The following SRL variants were observed in gnomAD, a reference collection of about 807,000 sequenced individuals.
The protein encoded by SRL is sarcalumenin.
A neutral mutation model predicts 39.5 loss-of-function variants in SRL; 23 were observed. The observed-to-expected ratio is 0.58, with a 90% CI of 0.42 to 0.82. SRL has a LOEUF of 0.82. Ranked by LOEUF, SRL falls within the 40% of genes least tolerant of loss-of-function variation. The pLI is 0.00. For missense variants in SRL, 592 were observed against 607.8 expected, an observed-to-expected ratio of 0.97 and a Z score of 0.27; for synonymous variants, 272 against 237.4, an observed-to-expected ratio of 1.15 and a Z score of -1.34.
intron 4 of SRL, among the ~76,000 whole-genome samples, chr16:4,197,050 T>C (rs2052156686): frequency 6.7e-6 from 1 of 148,292 alleles, no homozygotes; most frequent in Non-Finnish European, 1.5e-5. Flanking sequence ...TTCTGTTTTT[T>C]CCAAATTTTC....
intron 2 of SRL, among the ~76,000 whole-genome samples, chr16:4,203,597 C>T (rs1453997465): frequency 6.6e-6 from 1 of 152,170 alleles, no homozygotes; most frequent in Non-Finnish European, 1.5e-5. Flanking sequence ...TCATAGCTCA[C>T]TGCAGCCTCT....
At chr16:4,223,586 C>G (rs749076105) in intron 1 of SRL, among the ~76,000 whole-genome samples, 3 of 150,804 alleles carry the variant, frequency 2.0e-5, no homozygotes, top group Non-Finnish European at 3.0e-5. Flanking sequence ...GGGTCTTACT[C>G]TGTTATCCAG....
intron 3 of SRL, among the ~76,000 whole-genome samples, chr16:4,199,829 T>G (rs2052201172): frequency 6.6e-6 from 1 of 151,178 alleles, no homozygotes; most frequent in Non-Finnish European, 1.5e-5. Context: ...CCCAAGCAGC[T>G]GGGACTACAG....
At chr16:4,241,132 G>A (rs943916254) in intron 1 of SRL, among the ~76,000 whole-genome samples, 16 of 152,248 alleles carry the variant, frequency 1.1e-4, no homozygotes, top group Middle Eastern at 3.4e-3. Flanking sequence ...GAAGACTGCC[G>A]AGTCATGAAA....
intron 4 of SRL, among the ~76,000 whole-genome samples, chr16:4,197,214 A>G (rs9929411): frequency 2.0e-5 from 3 of 149,742 alleles, no homozygotes; most frequent in Non-Finnish European, 3.0e-5. Context: ...GACTACAGGC[A>G]CCCGCCATCA....
intron 1 of SRL, among the ~76,000 whole-genome samples, chr16:4,212,634 C>T (rs923405881): frequency 2.0e-5 from 3 of 152,004 alleles, no homozygotes; most frequent in South Asian, 2.1e-4. Context: ...GCCAGGGTGG[C>T]CCCCCCGACT....
At chr16:4,226,532 C>G (rs958881044) in intron 1 of SRL, among the ~76,000 whole-genome samples, 1 of 147,838 alleles carries the variant, frequency 6.8e-6, no homozygotes, top group African/African-American at 2.5e-5. Flanking sequence ...AATGGAGGGA[C>G]AGATGGATGG....
At chr16:4,203,015 C>A in intron 3 of SRL, 151 bp downstream of exon 3, 1 of 692,114 alleles carries the variant, frequency 1.4e-6, no homozygotes, top group Non-Finnish European at 2.5e-6. Context: ...GGAGCCCAGA[C>A]CCAGACCCAC....
rs570688807 is a variant in SRL at position 4,217,576 on chromosome 16, C to G, written c.62-12942G>C. ...CCTGCTGTCTTACCACTGGCGCCCC[C>G]ACCCCCCGCTGTCTTACTACCCAGC... is the stretch of plus-strand genomic sequence containing the variant. On this transcript the variant is annotated intron_variant, in intron 1 of 5. Transcript: ENST00000399609. Among the ~76,000 whole-genome samples, 45 of 152,286 alleles carry G rather than the reference C, an allele frequency of 3.0e-4. 1 individual carries two copies. Among genetic ancestry groups the G allele is most frequent in the African/African-American group, 1.1e-3 (44 of 41,538 alleles).
intron 1 of SRL, among the ~76,000 whole-genome samples, chr16:4,208,388 G>GC (rs1239171171): frequency 4.6e-5 from 7 of 152,012 alleles, no homozygotes; most frequent in African/African-American, 1.7e-4. Flanking sequence ...CCCGAGAACC[G>GC]CCCCCGCACC....
intron 1 of SRL, among the ~76,000 whole-genome samples, chr16:4,211,864 G>A (rs1381230433): frequency 1.3e-5 from 2 of 152,154 alleles, no homozygotes; most frequent in Non-Finnish European, 2.9e-5. Context: ...CGATGACGAC[G>A]ATGGTGATGA....
At chr16:4,238,845 T>G (rs2052741608) in intron 1 of SRL, among the ~76,000 whole-genome samples, 1 of 151,976 alleles carries the variant, frequency 6.6e-6, no homozygotes, top group African/African-American at 2.4e-5. Context: ...GGTCTCAAAT[T>G]CTTAGCTTCA....
intron 3 of SRL, among the ~76,000 whole-genome samples, chr16:4,199,890 T>C (rs2052202412): frequency 6.6e-6 from 1 of 151,460 alleles, no homozygotes; most frequent in Non-Finnish European, 1.5e-5. Context: ...AGAGATGGGG[T>C]TTTACCATGT....
intron 1 of SRL, among the ~76,000 whole-genome samples, chr16:4,223,258 G>T (rs1346972488): frequency 7.0e-6 from 1 of 143,786 alleles, no homozygotes; most frequent in African/African-American, 2.6e-5. Context: ...AAGCAAAAAA[G>T]CAATTCCTAA....
intron 3 of SRL, among the ~76,000 whole-genome samples, chr16:4,201,078 T>C (rs1325046728): frequency 6.6e-6 from 1 of 152,046 alleles, no homozygotes; most frequent in Non-Finnish European, 1.5e-5. Context: ...GGAGACAATA[T>C]GGCAACAACT....
intron 4 of SRL, among the ~76,000 whole-genome samples, chr16:4,196,173 C>G (rs561951178): frequency 1.3e-5 from 2 of 152,198 alleles, no homozygotes; most frequent in South Asian, 4.1e-4. Flanking sequence ...GTTGGCCAGG[C>G]TGGTCTCGAA....
At chr16:4,208,980 G>C (rs1397374275) in intron 1 of SRL, among the ~76,000 whole-genome samples, 1 of 152,118 alleles carries the variant, frequency 6.6e-6, no homozygotes, top group African/African-American at 2.4e-5. Flanking sequence ...TTGGAAAATG[G>C]GGTCAGAAAA....
intron 3 of SRL, among the ~76,000 whole-genome samples, chr16:4,202,342 C>A (rs2052246980): frequency 6.6e-6 from 1 of 152,156 alleles, no homozygotes; most frequent in African/African-American, 2.4e-5. Flanking sequence ...GCTTGTAATC[C>A]CAGCACTTTG....
intron 1 of SRL, among the ~76,000 whole-genome samples, chr16:4,211,723 C>T (rs908446058): frequency 1.5e-5 from 2 of 134,926 alleles, no homozygotes; most frequent in African/African-American, 5.6e-5. Context: ...TGGTGATGAC[C>T]GTGCCGATGA....
Sources: allele counts gnomAD v4.1 joint callset (sites outside exome capture counted in the v4.1 genomes callset), GRCh38; gene constraint gnomAD v4.1.1; transcripts MANE v1.5; gene names NCBI Gene and HGNC (gene_info 2026-07-23, HGNC 2026-07-21).